Variants in IL20RA observed in about 807,000 individuals in gnomAD.
IL20RA encodes the protein interleukin 20 receptor subunit alpha.
IL20RA carries 29 observed loss-of-function variants against 36.5 expected under a neutral mutation model. The ratio of observed to expected loss-of-function variants is 0.79; its 90% confidence interval spans 0.59 to 1.08. The LOEUF (loss-of-function observed/expected upper bound fraction) is 1.08, where lower values mean the gene tolerates loss of function less well. IL20RA is among the 50% of genes least tolerant of loss of function. The probability of loss-of-function intolerance (pLI) is 0.00; values close to 1 mark genes in which losing one functional copy is unlikely to be tolerated. For missense variants in IL20RA, 652 were observed against 668.4 expected, an observed-to-expected ratio of 0.98 and a Z score of 0.27; for synonymous variants, 279 against 267.1, an observed-to-expected ratio of 1.04 and a Z score of -0.43.
Position 137,044,713 on chromosome 6 carries a change from G to C in IL20RA, c.16C>G (p.Arg6Gly). Residue 6 changes from arginine to glycine, a missense_variant, in exon 1 of 7, where the codon CGC (arginine) becomes GGC (glycine). Coordinates refer to ENST00000316649, the MANE Select transcript of IL20RA (RefSeq NM_014432.4). MRAPGRPALRPLPLPP... is the reference protein window; with the variant it reads MRAPGGPALRPLPLPP... ...AGCGGCAGCGGCCGCAGGGCCGGGC[G>C]GCCGGGAGCCCGCATGGGCGGCGGG... The C allele has an allele frequency of 4.1e-6, 5 of 1,220,536 alleles. No homozygotes were observed. The highest frequency in any genetic ancestry group is 5.1e-6 in the Non-Finnish European group (5 of 981,196). The allele number at this position is 1,220,536 out of a possible 1,614,324, so 75.6% of individuals were successfully genotyped here. A position where few individuals can be genotyped will look rare whatever the true frequency, so the allele number is the denominator to read the frequency against.
At chr6:137,042,051 T>A (rs544504617) in intron 1 of IL20RA, among the ~76,000 whole-genome samples, 25 of 152,208 alleles carry the variant, frequency 1.6e-4, no homozygotes, top group Admixed American at 5.9e-4. Context: ...GGGAAGACCT[T>A]CTTGAGGGAA....
At position 137,000,508 on chromosome 6, in the gene IL20RA, T is replaced by C. The variant is rs1774996326; in HGVS notation, c.*1050A>G. 6.6e-6 allele frequency: 1 copy of C among 152,232 alleles called. No homozygotes were observed. 9.4% of individuals were successfully genotyped at this position (152,232 alleles called of 1,614,324 possible). On this transcript the variant is annotated 3_prime_UTR_variant, in exon 7 of 7. Transcript: ENST00000316649. ...TTACTGGAAATGAACTAGAAAGCTA[T>C]TGTTTTATGGCATAGTTTAGTTCCT...
chr6:137,011,142 A>G (rs555920599), intron 3 of IL20RA, 132 bp downstream of exon 3: 2 of 639,354 alleles, frequency 3.1e-6, no homozygotes, highest in East Asian at 5.3e-5. Context: ...TGTCCTGCTC[A>G]CTCAACCCAC....
At chr6:137,043,680 C>T (rs1165906427) in intron 1 of IL20RA, among the ~76,000 whole-genome samples, 1 of 152,218 alleles carries the variant, frequency 6.6e-6, no homozygotes. Flanking sequence ...TCACCGTCAA[C>T]TTTCTTCCTG....
chr6:137,022,696 G>A (rs569538988), intron 1 of IL20RA, among the ~76,000 whole-genome samples: 2 of 152,338 alleles, frequency 1.3e-5, no homozygotes, highest in African/African-American at 4.8e-5. Context: ...TGGAAATAGA[G>A]TTGTTGCAGA....
chr6:137,032,793 G>T (rs1166700469), intron 1 of IL20RA, among the ~76,000 whole-genome samples: 1 of 152,190 alleles, frequency 6.6e-6, no homozygotes, highest in Non-Finnish European at 1.5e-5. Context: ...TTTTGAGGGT[G>T]ACCAGGACTA....
chr6:137,044,216 G>T, intron 1 of IL20RA: 2 of 987,592 alleles, frequency 2.0e-6, no homozygotes, highest in Non-Finnish European at 2.4e-6. Context: ...CGGCCGAGAC[G>T]CGGCATCCAC....
intron 1 of IL20RA, among the ~76,000 whole-genome samples, chr6:137,040,504 G>A (rs1268438285): frequency 6.6e-6 from 1 of 152,074 alleles, no homozygotes; most frequent in Admixed American, 6.5e-5. Context: ...CACTAGATGA[G>A]TCTGGAATGT....
rs768847138 is a variant in IL20RA, at chr6:137,017,520, G to GC, written c.89-418dup. ...ATCAGCAGAAGAATCATCTGGCAGA[G>GC]CCCCAGTTAATCCCCAGAAATTTAA... is the stretch of plus-strand genomic sequence containing the variant. On this transcript the variant is annotated intron_variant, in intron 1 of 6. Coordinates refer to ENST00000316649, the MANE Select transcript of IL20RA (RefSeq NM_014432.4). 2.0e-4 allele frequency among the ~76,000 whole-genome samples: 30 copies of GC among 152,256 alleles called. 2 individuals carry two copies. The highest frequency in any genetic ancestry group is 7.7e-4 in the East Asian group (4 of 5,176).
At chr6:137,007,226 T>C in intron 5 of IL20RA, among the ~76,000 whole-genome samples, 1 of 152,276 alleles carries the variant, frequency 6.6e-6, no homozygotes, top group African/African-American at 2.4e-5. Context: ...TGCTTTGTTT[T>C]GCTTGGCATT....
chr6:137,003,519 G>A (rs973534718), intron 6 of IL20RA, among the ~76,000 whole-genome samples: 1 of 151,986 alleles, frequency 6.6e-6, no homozygotes, highest in African/African-American at 2.4e-5. Flanking sequence ...TCCCACTCTC[G>A]CCTGTTAGAC....
rs143831728 is a variant in IL20RA, at chr6:137,036,987, G to A, written c.88+7654C>T. Reference sequence around the variant, plus strand: ...GTTGGTAAGGAGGAAATTTAAATACGGTTGATAATGTAAACAAATGCTTTA... The same window carrying A: ...GTTGGTAAGGAGGAAATTTAAATACAGTTGATAATGTAAACAAATGCTTTA... On this transcript the variant is annotated intron_variant, in intron 1 of 6. Coordinates refer to ENST00000316649, the MANE Select transcript of IL20RA (RefSeq NM_014432.4). 5.0e-3 allele frequency among the ~76,000 whole-genome samples: 760 copies of A among 152,248 alleles called. 2 individuals carry two copies. Among genetic ancestry groups the A allele is most frequent in the Non-Finnish European group, 7.5e-3 (507 of 68,006 alleles).
Position 137,000,531 on chromosome 6 carries a change from C to T in IL20RA, c.*1027G>A, listed in dbSNP as rs1234702709. On this transcript the variant is annotated 3_prime_UTR_variant, in exon 7 of 7. Transcript: ENST00000316649. ...TATTGTTTTATGGCATAGTTTAGTT[C>T]CTACAGTAAATTTCATCAAATTTTA... is the stretch of plus-strand genomic sequence containing the variant. 6.6e-6 allele frequency: 1 copy of T among 152,094 alleles called. No homozygotes were observed. The highest frequency in any genetic ancestry group is 1.5e-5 in the Non-Finnish European group (1 of 68,008). The allele number at this position is 152,094 out of a possible 1,614,324, so 9.4% of individuals were successfully genotyped here.
At position 137,042,565 on chromosome 6, in the gene IL20RA, C is replaced by T. The variant is rs115220344; in HGVS notation, c.88+2076G>A. 6.1e-3 allele frequency among the ~76,000 whole-genome samples: 933 copies of T among 152,192 alleles called. 8 individuals are homozygous for T. Among genetic ancestry groups the T allele is most frequent in the African/African-American group, 0.021 (891 of 41,524 alleles). On this transcript the variant is annotated intron_variant, in intron 1 of 6. Transcript: ENST00000316649. ...GGAGGGGTCCAAGAGTGAATGACAG[C>T]GTGTTGCACCTGCCTTGAGGGAGCC...
At chr6:137,014,817 C>CA (rs1775622415) in intron 2 of IL20RA, among the ~76,000 whole-genome samples, 1 of 152,060 alleles carries the variant, frequency 6.6e-6, no homozygotes, top group Admixed American at 6.5e-5. Flanking sequence ...GAATTCCATG[C>CA]ATGCTACCAG....
chr6:137,031,297 T>C (rs983339157), intron 1 of IL20RA, among the ~76,000 whole-genome samples: 19 of 152,178 alleles, frequency 1.2e-4, no homozygotes, highest in African/African-American at 4.1e-4. Flanking sequence ...CCCTGGATGA[T>C]ACAATGTACA....
At chr6:137,015,190 A>G (rs2115384379) in intron 2 of IL20RA, among the ~76,000 whole-genome samples, 1 of 152,286 alleles carries the variant, frequency 6.6e-6, no homozygotes, top group South Asian at 2.1e-4. Context: ...GACACACCAC[A>G]CATTTATGAT....
chr6:137,005,971 T>C (rs571777595), intron 5 of IL20RA, among the ~76,000 whole-genome samples: 1 of 152,290 alleles, frequency 6.6e-6, no homozygotes, highest in Non-Finnish European at 1.5e-5. Flanking sequence ...GATATGTGCA[T>C]CTATATGTAT....
At chr6:137,020,101 T>A (rs1288400146) in intron 1 of IL20RA, among the ~76,000 whole-genome samples, 1 of 152,256 alleles carries the variant, frequency 6.6e-6, no homozygotes, top group Non-Finnish European at 1.5e-5. Flanking sequence ...CTTGGATCAT[T>A]TGCATGGGCA....
Sources: allele counts gnomAD v4.1 joint callset (sites outside exome capture counted in the v4.1 genomes callset), GRCh38; gene constraint gnomAD v4.1.1; transcripts MANE v1.5; gene names NCBI Gene and HGNC (gene_info 2026-07-23, HGNC 2026-07-21).